VEGFC: variants seen among roughly 807,000 people sequenced by gnomAD.
VEGFC encodes the protein vascular endothelial growth factor C.
VEGFC carries 12 observed loss-of-function variants against 46.1 expected under a neutral mutation model. That is an observed-to-expected ratio of 0.26 (90% CI 0.17 to 0.42). VEGFC has a LOEUF of 0.42. VEGFC is among the 10% of genes least tolerant of loss of function. The probability of loss-of-function intolerance (pLI) is 1.00; values close to 1 mark genes in which losing one functional copy is unlikely to be tolerated. For synonymous variants in VEGFC, 232 were observed against 195.5 expected (o/e 1.19, Z -1.56); for missense variants, 488 against 529.4 (o/e 0.92, Z 0.77).
At chr4:176,781,247 T>C (rs1312575300) in intron 1 of VEGFC, among the ~76,000 whole-genome samples, 1 of 152,206 alleles carries the variant, frequency 6.6e-6, no homozygotes, top group African/African-American at 2.4e-5. Flanking sequence ...ATCACTATTA[T>C]GTTAAAACTA....
At chr4:176,780,298 C>T (rs949252343) in intron 1 of VEGFC, among the ~76,000 whole-genome samples, 1 of 148,350 alleles carries the variant, frequency 6.7e-6, no homozygotes, top group Admixed American at 6.9e-5. Context: ...GGGAGAATTG[C>T]TTGAACCCGG....
chr4:176,690,849 C>T (rs895740791), intron 4 of VEGFC, among the ~76,000 whole-genome samples: 4 of 152,238 alleles, frequency 2.6e-5, no homozygotes, highest in South Asian at 4.1e-4. Flanking sequence ...GCCATTATAA[C>T]GTGTTGGTAG....
intron 1 of VEGFC, among the ~76,000 whole-genome samples, chr4:176,764,615 G>A (rs1735584888): frequency 6.6e-6 from 1 of 152,102 alleles, no homozygotes; most frequent in Non-Finnish European, 1.5e-5. Context: ...AAATTCATAG[G>A]CTCTGAATGG....
chr4:176,764,460 C>G (rs985516865), intron 1 of VEGFC, among the ~76,000 whole-genome samples: 2 of 152,108 alleles, frequency 1.3e-5, no homozygotes, highest in African/African-American at 4.8e-5. Flanking sequence ...CCTTTTGAGG[C>G]ACTAAGTTTT....
chr4:176,792,297 G>A lies in VEGFC; in HGVS notation c.15C>T (p.Gly5=). 1 of 1,514,126 alleles carries A rather than the reference G, an allele frequency of 6.6e-7. No homozygotes were observed. Among genetic ancestry groups the A allele is most frequent in the Non-Finnish European group, 8.8e-7 (1 of 1,132,312 alleles). The allele number at this position is 1,514,126 out of a possible 1,614,324, so 93.8% of individuals were successfully genotyped here. Residue 5 remains glycine (G), a synonymous_variant, in exon 1 of 7, where the codon GGC becomes GGT. Transcript: ENST00000618562. This position sits in a 1 kb window ranked among gnomAD's most constrained non-coding sequence, Gnocchi z 6.3. Reference sequence around the variant, plus strand: ...GCAGAGAACACGCCACAGAGAAGAAGCCCAGCAAGTGCATGGTGGAAGGAC... The same window carrying A: ...GCAGAGAACACGCCACAGAGAAGAAACCCAGCAAGTGCATGGTGGAAGGAC... MHLL[G]FFSVACSLLA... is the part of the protein sequence containing the mutation.
chr4:176,764,116 C>G (rs1735576543), intron 1 of VEGFC, among the ~76,000 whole-genome samples: 1 of 152,098 alleles, frequency 6.6e-6, no homozygotes. Context: ...GCAACAAACA[C>G]CTATTTGAAG....
chr4:176,713,853 G>C (rs1484835442), intron 3 of VEGFC, among the ~76,000 whole-genome samples: 1 of 152,126 alleles, frequency 6.6e-6, no homozygotes, highest in Non-Finnish European at 1.5e-5. Context: ...AAAGAGGGGA[G>C]AGCTTCAAAC....
At chr4:176,733,438 C>A (rs761713989) in intron 1 of VEGFC, among the ~76,000 whole-genome samples, 1 of 151,902 alleles carries the variant, frequency 6.6e-6, no homozygotes, top group Non-Finnish European at 1.5e-5. Context: ...AAGAAGACTA[C>A]TACTGATATC....
chr4:176,777,396 T>C (rs1735832324), intron 1 of VEGFC, among the ~76,000 whole-genome samples: 2 of 152,232 alleles, frequency 1.3e-5, no homozygotes, highest in African/African-American at 2.4e-5. Context: ...CAGTCTAAGT[T>C]CTTGTCTATA....
At chr4:176,730,115 C>T (rs1296350268) in intron 1 of VEGFC, among the ~76,000 whole-genome samples, 3 of 151,970 alleles carry the variant, frequency 2.0e-5, no homozygotes, top group African/African-American at 7.2e-5. Context: ...TGAAATCCAC[C>T]CTAATGCTTT....
chr4:176,753,221 G>A (rs1735369240), intron 1 of VEGFC, among the ~76,000 whole-genome samples: 1 of 152,032 alleles, frequency 6.6e-6, no homozygotes, highest in African/African-American at 2.4e-5. Flanking sequence ...TTTGGGGAGG[G>A]CCAGGAAATG....
At chr4:176,705,886 T>C (rs1029041522) in intron 4 of VEGFC, 1 of 152,194 alleles carries the variant, frequency 6.6e-6, no homozygotes, top group Admixed American at 6.6e-5. Flanking sequence ...CATTCTTACT[T>C]ATGTGCTCTT....
Position 176,683,687 on chromosome 4 carries a change from G to T in VEGFC, c.*239C>A. ...TAAATTATATAGTCATTCTTTTAAA[G>T]AAATCACAAGAGGAAAATCTTGGCT... On this transcript the variant is annotated 3_prime_UTR_variant, in exon 7 of 7. Coordinates refer to ENST00000618562, the MANE Select transcript of VEGFC (RefSeq NM_005429.5). 1 of 336,862 alleles carries T rather than the reference G, an allele frequency of 3.0e-6. No individual in the cohort carries two copies. The highest frequency in any genetic ancestry group is 5.3e-6 in the Non-Finnish European group (1 of 187,044). The allele number at this position is 336,862 out of a possible 1,614,324, so 20.9% of individuals were successfully genotyped here.
At chr4:176,784,094 T>A (rs1735960480) in intron 1 of VEGFC, among the ~76,000 whole-genome samples, 1 of 137,728 alleles carries the variant, frequency 7.3e-6, no homozygotes, top group Non-Finnish European at 1.5e-5. Context: ...AAACAGAGTC[T>A]CACTCTGTTG....
chr4:176,687,201 G>A lies in VEGFC; in HGVS notation c.1131C>T (p.His377=). The A allele has an allele frequency of 1.9e-6, 3 of 1,611,776 alleles. No homozygotes were observed. The highest frequency in any genetic ancestry group is 1.7e-4 in the Middle Eastern group (1 of 6,044). The change falls in exon 6 of 7, where the codon CAC becomes CAT. Residue 377 remains histidine (H), a synonymous_variant. Coordinates refer to ENST00000618562, the MANE Select transcript of VEGFC (RefSeq NM_005429.5). The stretch of plus-strand genomic sequence containing the variant: ...GGATCTCTTACCTGCATGTTTGGTG[G>A]TGGAACTTCTTTCCTTTTAACAAGC... ...QKCLLKGKKF[H]HQTCSCYRRP...
At chr4:176,697,927 T>A (rs911680984) in intron 4 of VEGFC, among the ~76,000 whole-genome samples, 1 of 151,290 alleles carries the variant, frequency 6.6e-6, no homozygotes, top group African/African-American at 2.4e-5. Flanking sequence ...TAGGTGGGAA[T>A]TGAACAATGA....
At chr4:176,791,895 A>T (rs1006413697) in intron 1 of VEGFC, among the ~76,000 whole-genome samples, 13 of 152,168 alleles carry the variant, frequency 8.5e-5, no homozygotes. Context: ...GTTGCCCCAG[A>T]GGAAACCAGT....
intron 1 of VEGFC, among the ~76,000 whole-genome samples, chr4:176,765,641 C>T (rs186013739): frequency 9.5e-4 from 143 of 150,978 alleles, no homozygotes; most frequent in African/African-American, 3.2e-3. Context: ...CTGTAACCTC[C>T]GCCTCCTGGG....
chr4:176,729,470 G>A (rs1734924927), intron 2 of VEGFC, 63 bp downstream of exon 2: 15 of 1,436,206 alleles, frequency 1.0e-5, no homozygotes, highest in Non-Finnish European at 1.4e-5. Context: ...TAAAGAACCA[G>A]GCTGGCAACT....
Sources: allele counts gnomAD v4.1 joint callset (sites outside exome capture counted in the v4.1 genomes callset), GRCh38; gene constraint gnomAD v4.1.1; non-coding constraint Gnocchi (gnomAD v3.1); transcripts MANE v1.5; gene names NCBI Gene and HGNC (gene_info 2026-07-23, HGNC 2026-07-21).